The following TTC28 variants were observed in gnomAD, a reference collection of about 807,000 sequenced individuals.
TTC28 encodes tetratricopeptide repeat domain 28.
In TTC28, 61 loss-of-function variants were observed where a neutral mutation model predicts 198.0. The observed-to-expected ratio is 0.31, with a 90% CI of 0.25 to 0.38. TTC28 has a LOEUF of 0.38. TTC28 is among the 10% of genes least tolerant of loss of function. TTC28 has a pLI of 1.00. For missense variants in TTC28, 2,678 were observed against 3,164.0 expected, an observed-to-expected ratio of 0.85 and a Z score of 3.69; for synonymous variants, 1,171 against 1,297.8, an observed-to-expected ratio of 0.90 and a Z score of 2.10.
chr22:28,404,031 C>T (rs1205751946), intron 2 of TTC28, among the ~76,000 whole-genome samples: 1 of 152,188 alleles, frequency 6.6e-6, no homozygotes, highest in Non-Finnish European at 1.5e-5. Context: ...AAATGGCAGG[C>T]TCCAGAGGCA....
chr22:28,245,358 T>C (rs1461520896), intron 5 of TTC28, among the ~76,000 whole-genome samples: 1 of 152,144 alleles, frequency 6.6e-6, no homozygotes, highest in Admixed American at 6.6e-5. Flanking sequence ...ATAATACCAA[T>C]ACCATTATTT....
chr22:28,280,092 T>C (rs2044555180), intron 5 of TTC28, among the ~76,000 whole-genome samples: 1 of 152,182 alleles, frequency 6.6e-6, no homozygotes, highest in Non-Finnish European at 1.5e-5. Context: ...TTCAATTCTC[T>C]GGAGTAAATA....
chr22:28,675,957 C>T (rs542446146), intron 1 of TTC28, among the ~76,000 whole-genome samples: 26 of 152,192 alleles, frequency 1.7e-4, no homozygotes, highest in Admixed American at 8.5e-4. Context: ...TGTGGTGGCA[C>T]GTGCCTGTAG....
intron 5 of TTC28, among the ~76,000 whole-genome samples, chr22:28,242,821 T>C (rs1177681490): frequency 6.6e-6 from 1 of 152,044 alleles, no homozygotes; most frequent in Non-Finnish European, 1.5e-5. Context: ...GAAGTAATAA[T>C]AAGCAGATTC....
intron 12 of TTC28, among the ~76,000 whole-genome samples, chr22:28,053,083 T>C (rs1476299269): frequency 1.3e-5 from 2 of 152,244 alleles, no homozygotes; most frequent in Non-Finnish European, 2.9e-5. Flanking sequence ...CTGTTGGTGC[T>C]AGAGAACCTG....
At chr22:28,062,938 C>A (rs1889238792) in intron 12 of TTC28, among the ~76,000 whole-genome samples, 1 of 152,074 alleles carries the variant, frequency 6.6e-6, no homozygotes, top group Admixed American at 6.6e-5. Flanking sequence ...ATCACATTTT[C>A]CTGGTTCTTT....
intron 5 of TTC28, among the ~76,000 whole-genome samples, chr22:28,220,865 T>C (rs1029753204): frequency 5.9e-5 from 9 of 152,000 alleles, no homozygotes; most frequent in African/African-American, 1.4e-4. Flanking sequence ...TAGTAGAGAA[T>C]AGGAAAAATT....
At chr22:28,120,269 A>G (rs1942749465) in intron 6 of TTC28, among the ~76,000 whole-genome samples, 1 of 152,154 alleles carries the variant, frequency 6.6e-6, no homozygotes, top group African/African-American at 2.4e-5. Flanking sequence ...ACCTGGATAT[A>G]CCTCAGATAC....
At chr22:28,564,268 ATT>A (rs910462169) in intron 2 of TTC28, among the ~76,000 whole-genome samples, 1 of 152,196 alleles carries the variant, frequency 6.6e-6, no homozygotes, top group African/African-American at 2.4e-5. Flanking sequence ...AAAATGATTA[ATT>A]TTGAGTAATG....
At chr22:28,480,973 A>G (rs999139633) in intron 2 of TTC28, among the ~76,000 whole-genome samples, 1 of 152,178 alleles carries the variant, frequency 6.6e-6, no homozygotes, top group African/African-American at 2.4e-5. Context: ...ACTGATGATT[A>G]TCAAGGTTAA....
chr22:28,042,261 C>G (rs1344415285), intron 12 of TTC28, among the ~76,000 whole-genome samples: 4 of 152,062 alleles, frequency 2.6e-5, no homozygotes, highest in African/African-American at 9.7e-5. Context: ...AATCATGCTA[C>G]TATAAAGACA....
At chr22:28,484,950 T>G (rs1344415235) in intron 2 of TTC28, among the ~76,000 whole-genome samples, 1 of 152,178 alleles carries the variant, frequency 6.6e-6, no homozygotes, top group Non-Finnish European at 1.5e-5. Flanking sequence ...TAAACTGCTC[T>G]CCCTAGAATG....
rs144243569 is a variant in TTC28, at chr22:28,302,547, C to T, written c.529+3949G>A. ...AGATGGATATTATAATTTCTCTCTA[C>T]GGATACAGACTGAAGTACAGAGAAA... On this transcript the variant is annotated intron_variant, in intron 3 of 22. Coordinates refer to ENST00000397906, the MANE Select transcript of TTC28 (RefSeq NM_001145418.2). 2.2e-3 allele frequency among the ~76,000 whole-genome samples: 332 copies of T among 152,288 alleles called. 1 individual carries two copies. In the Middle Eastern group the frequency reaches 0.037, roughly 17 times the overall value.
chr22:28,180,994 C>T (rs1443712494), intron 5 of TTC28, among the ~76,000 whole-genome samples: 1 of 152,150 alleles, frequency 6.6e-6, no homozygotes, highest in Non-Finnish European at 1.5e-5. Flanking sequence ...GTGATTTGTA[C>T]ATATCTAAAT....
At chr22:27,992,274 C>G (rs1350209535) in intron 19 of TTC28, among the ~76,000 whole-genome samples, 1 of 152,226 alleles carries the variant, frequency 6.6e-6, no homozygotes, top group Non-Finnish European at 1.5e-5. Flanking sequence ...GTTGGCCGCA[C>G]AGCTTCATCA....
chr22:28,676,878 A>C (rs1255222419), intron 1 of TTC28, among the ~76,000 whole-genome samples: 1 of 152,034 alleles, frequency 6.6e-6, no homozygotes, highest in Non-Finnish European at 1.5e-5. Context: ...TTTTTAGGCC[A>C]GGCGCAGTGG....
chr22:28,534,045 C>A (rs964733981), intron 2 of TTC28, among the ~76,000 whole-genome samples: 2 of 152,074 alleles, frequency 1.3e-5, no homozygotes, highest in East Asian at 3.9e-4. Flanking sequence ...GCAACAAAAG[C>A]CAAAATTGAC....
intron 12 of TTC28, among the ~76,000 whole-genome samples, chr22:28,042,312 A>G (rs1443199861): frequency 6.6e-6 from 1 of 150,478 alleles, no homozygotes; most frequent in Non-Finnish European, 1.5e-5. Flanking sequence ...TCACAGTAGC[A>G]AAAACTTGGA....
intron 12 of TTC28, among the ~76,000 whole-genome samples, chr22:28,082,280 G>A (rs1335775444): frequency 6.6e-6 from 1 of 152,070 alleles, no homozygotes; most frequent in Non-Finnish European, 1.5e-5. Context: ...AGCACTTCCA[G>A]TACTATATAT....
Sources: gnomAD v4.1 joint callset for allele counts (sites outside exome capture counted in the v4.1 genomes callset) on GRCh38, gnomAD v4.1.1 for gene constraint, MANE v1.5 for transcripts, NCBI Gene and HGNC (gene_info 2026-07-23, HGNC 2026-07-21) for gene names.